The following TBC1D5 variants were observed in gnomAD, a reference collection of about 807,000 sequenced individuals.
TBC1D5 encodes the protein TBC1 domain family, member 5.
In TBC1D5, 75 loss-of-function variants were observed where a neutral mutation model predicts 100.3. The ratio of observed to expected loss-of-function variants is 0.75; its 90% CI spans 0.62 to 0.91. The LOEUF is 0.91. TBC1D5 is among the 40% of genes least tolerant of loss of function. TBC1D5 has a pLI of 0.00. For synonymous variants in TBC1D5, 323 were observed against 325.6 expected (o/e 0.99, Z 0.09); for missense variants, 910 against 942.4 (o/e 0.97, Z 0.45).
chr3:17,615,998 C>CGAAA (rs1410728204), intron 2 of TBC1D5, among the ~76,000 whole-genome samples: 1 of 152,170 alleles, frequency 6.6e-6, no homozygotes, highest in Non-Finnish European at 1.5e-5. Context: ...GATTTCAGAT[C>CGAAA]TTTCCTGCTT....
chr3:17,377,768 T>C (rs2092769094), intron 9 of TBC1D5, among the ~76,000 whole-genome samples: 1 of 151,988 alleles, frequency 6.6e-6, no homozygotes, highest in Non-Finnish European at 1.5e-5. Flanking sequence ...TCAGACTTCA[T>C]GTATAAGTTA....
chr3:17,299,491 G>C (rs2082601163), intron 14 of TBC1D5, among the ~76,000 whole-genome samples: 1 of 152,124 alleles, frequency 6.6e-6, no homozygotes, highest in Admixed American at 6.6e-5. Context: ...AAACACACAA[G>C]AGTGAACCCT....
At chr3:17,446,008 C>T (rs1037225754) in intron 3 of TBC1D5, among the ~76,000 whole-genome samples, 3 of 152,106 alleles carry the variant, frequency 2.0e-5, no homozygotes, top group African/African-American at 7.2e-5. Context: ...GCACTTCTGC[C>T]TTTTTAAAGT....
chr3:17,528,013 C>T (rs2096161620), intron 2 of TBC1D5, among the ~76,000 whole-genome samples: 1 of 150,552 alleles, frequency 6.6e-6, no homozygotes, highest in Non-Finnish European at 1.5e-5. Context: ...TCCCAAATTC[C>T]TGTTGAAATT....
intron 15 of TBC1D5, among the ~76,000 whole-genome samples, chr3:17,273,729 C>T (rs1408280725): frequency 6.6e-6 from 1 of 151,618 alleles, no homozygotes; most frequent in East Asian, 1.9e-4. Context: ...ATCGCTTGAA[C>T]CCGGGAGGTG....
chr3:17,734,864 T>A (rs150204048), intron 1 of TBC1D5, among the ~76,000 whole-genome samples: 1 of 151,780 alleles, frequency 6.6e-6, no homozygotes, highest in South Asian at 2.1e-4. Flanking sequence ...TGTGGGAGGA[T>A]AGCTTGAGCC....
intron 1 of TBC1D5, among the ~76,000 whole-genome samples, chr3:17,681,705 T>C (rs1003062647): frequency 6.6e-6 from 1 of 151,448 alleles, no homozygotes; most frequent in African/African-American, 2.5e-5. Flanking sequence ...TTCACGAAAA[T>C]GTCAAACATA....
chr3:17,668,190 A>G (rs1202316039), intron 1 of TBC1D5, among the ~76,000 whole-genome samples: 2 of 149,276 alleles, frequency 1.3e-5, no homozygotes, highest in East Asian at 1.9e-4. Context: ...TATATATCTT[A>G]AATCTCCCAC....
chr3:17,236,034 A>T (rs1226190601), intron 17 of TBC1D5, among the ~76,000 whole-genome samples: 1 of 152,146 alleles, frequency 6.6e-6, no homozygotes, highest in Non-Finnish European at 1.5e-5. Context: ...ATCATGTTCC[A>T]AATACTTTGC....
At chr3:17,553,562 C>G (rs1290073642) in intron 2 of TBC1D5, among the ~76,000 whole-genome samples, 4 of 152,170 alleles carry the variant, frequency 2.6e-5, no homozygotes, top group African/African-American at 7.2e-5. Flanking sequence ...TCTCCAAAAA[C>G]CACAAGCAAT....
chr3:17,559,330 C>G (rs557288290), intron 2 of TBC1D5, among the ~76,000 whole-genome samples: 3 of 151,522 alleles, frequency 2.0e-5, no homozygotes, highest in African/African-American at 7.3e-5. Flanking sequence ...TGGTAGAGAT[C>G]GGGTTTCACC....
chr3:17,459,408 A>T (rs1293146577), intron 3 of TBC1D5, among the ~76,000 whole-genome samples: 1 of 152,230 alleles, frequency 6.6e-6, no homozygotes, highest in Non-Finnish European at 1.5e-5. Context: ...GACAGGAGGC[A>T]GAGCTCTGGT....
At chr3:17,608,576 A>G (rs2061483638) in intron 2 of TBC1D5, among the ~76,000 whole-genome samples, 1 of 152,102 alleles carries the variant, frequency 6.6e-6, no homozygotes, top group African/African-American at 2.4e-5. Flanking sequence ...TGTCTTCTTC[A>G]GTTGGGTTAA....
At chr3:17,648,345 T>A (rs7648159) in intron 1 of TBC1D5, among the ~76,000 whole-genome samples, 6,021 of 152,192 alleles carry the variant, frequency 0.04, 178 homozygotes, top group Middle Eastern at 0.088. Context: ...ATTAAAGACT[T>A]AAAATGTAAA....
chr3:17,506,933 G>A (rs781585344), intron 3 of TBC1D5, among the ~76,000 whole-genome samples: 4 of 151,986 alleles, frequency 2.6e-5, no homozygotes, highest in Middle Eastern at 3.2e-3. Flanking sequence ...GGAGAATGGC[G>A]TGAACCCGGG....
intron 13 of TBC1D5, among the ~76,000 whole-genome samples, chr3:17,320,166 CTTTAG>C (rs971066978): frequency 6.6e-5 from 10 of 152,154 alleles, no homozygotes; most frequent in African/African-American, 2.2e-4. Flanking sequence ...TACCTCAGCA[CTTTAG>C]TTTAATTTAG....
chr3:17,669,127 T>C (rs1377835408), intron 1 of TBC1D5, among the ~76,000 whole-genome samples: 1 of 152,148 alleles, frequency 6.6e-6, no homozygotes, highest in Non-Finnish European at 1.5e-5. Flanking sequence ...CTCATGATAG[T>C]GAGTGAGTTC....
chr3:17,428,206 C>T (rs753908183), intron 4 of TBC1D5, among the ~76,000 whole-genome samples: 2 of 151,756 alleles, frequency 1.3e-5, no homozygotes, highest in African/African-American at 2.4e-5. Context: ...ACAACAGATA[C>T]TGCAGTAAGT....
chr3:17,210,191 T>C (rs926520660), intron 18 of TBC1D5, among the ~76,000 whole-genome samples: 6 of 142,968 alleles, frequency 4.2e-5, no homozygotes, highest in Admixed American at 6.9e-5. Flanking sequence ...TTTTCAGAAC[T>C]TTTTTTTTTT....
Sources: gnomAD v4.1 joint callset for allele counts (sites outside exome capture counted in the v4.1 genomes callset) on GRCh38, gnomAD v4.1.1 for gene constraint, MANE v1.5 for transcripts, NCBI Gene and HGNC (gene_info 2026-07-23, HGNC 2026-07-21) for gene names.